KATNIP: variants seen among roughly 807,000 people sequenced by gnomAD.
KATNIP encodes katanin interacting protein.
KATNIP carries 126 observed loss-of-function variants against 174.0 expected under a neutral mutation model. The ratio of observed to expected loss-of-function variants is 0.72; its 90% confidence interval spans 0.63 to 0.84. The LOEUF is 0.84. Among genes scored for constraint, KATNIP ranks in the 40% least tolerant of loss-of-function variants. The probability of loss-of-function intolerance (pLI) is 0.00; values close to 1 mark genes in which losing one functional copy is unlikely to be tolerated. For missense variants in KATNIP, 1,958 were observed against 2,109.7 expected (o/e 0.93, Z 1.41); for synonymous variants, 810 against 835.7 (o/e 0.97, Z 0.53).
chr16:27,668,615 T>A, intron 6 of KATNIP, among the ~76,000 whole-genome samples: 1 of 152,212 alleles, frequency 6.6e-6, no homozygotes, highest in South Asian at 2.1e-4. Flanking sequence ...ATACCCTGGG[T>A]CTGCCATTAC....
intron 6 of KATNIP, among the ~76,000 whole-genome samples, chr16:27,667,925 CA>C (rs2077742846): frequency 6.6e-6 from 1 of 152,134 alleles, no homozygotes; most frequent in African/African-American, 2.4e-5. Flanking sequence ...CACCTGGGGA[CA>C]CAGGGTAAAC....
intron 6 of KATNIP, among the ~76,000 whole-genome samples, chr16:27,649,541 A>C (rs1016755235): frequency 2.0e-5 from 3 of 152,114 alleles, no homozygotes; most frequent in Admixed American, 1.3e-4. Context: ...CCCAGGCTGG[A>C]GTGCATTGGT....
At position 27,751,944 on chromosome 16, in the gene KATNIP, G is replaced by A. The variant is rs374809794; in HGVS notation, c.3552+20G>A. 17 of 1,577,994 alleles carry A rather than the reference G, an allele frequency of 1.1e-5. No individual in the cohort carries two copies. The African/African-American group carries it at 2.2e-4, about 20-fold the overall frequency. The stretch of plus-strand genomic sequence containing the variant: ...GAACGGGTAGGACTGGAGCTGGGGG[G>A]CTGTGGGGGGACCCCCAGATAGGTT... On this transcript the variant is annotated intron_variant, in intron 17 of 27. Transcript: ENST00000261588.
intron 5 of KATNIP, among the ~76,000 whole-genome samples, chr16:27,635,336 A>G (rs997097042): frequency 6.6e-6 from 1 of 152,084 alleles, no homozygotes; most frequent in Non-Finnish European, 1.5e-5. Flanking sequence ...GAAATGCAGT[A>G]TTTGGCTTTC....
At chr16:27,555,625 A>C (rs1411190417) in intron 1 of KATNIP, among the ~76,000 whole-genome samples, 1 of 151,018 alleles carries the variant, frequency 6.6e-6, no homozygotes, top group African/African-American at 2.4e-5. Flanking sequence ...ACCTGAGATC[A>C]GAAGTTCGAG....
intron 12 of KATNIP, 93 bp downstream of exon 12, chr16:27,704,091 A>G: frequency 1.0e-6 from 1 of 965,566 alleles, no homozygotes; most frequent in Non-Finnish European, 1.6e-6. Flanking sequence ...GACAGTGGTT[A>G]AATGAGCATC....
At chr16:27,632,544 T>G (rs2076521633) in intron 5 of KATNIP, 1 of 439,422 alleles carries the variant, frequency 2.3e-6, no homozygotes, top group South Asian at 1.6e-5. Context: ...AAAAGGCGAA[T>G]CGGGAGACAC....
chr16:27,669,610 C>T (rs2077819111), intron 6 of KATNIP, among the ~76,000 whole-genome samples: 1 of 152,194 alleles, frequency 6.6e-6, no homozygotes, highest in Admixed American at 6.5e-5. Context: ...CCAAGGTCCT[C>T]ATCTTTCCAG....
rs543291785 is a variant in KATNIP at position 27,766,231 on chromosome 16, G to A, written c.3810-78G>A. 210 of 1,517,982 alleles carry A rather than the reference G, an allele frequency of 1.4e-4. 1 individual carries two copies. The highest frequency in any genetic ancestry group is 9.4e-4 in the Middle Eastern group (4 of 4,258). 94.0% of individuals were successfully genotyped at this position (1,517,982 alleles called of 1,614,324 possible). A position where few individuals can be genotyped will look rare whatever the true frequency, so the allele number is the denominator to read the frequency against. The stretch of plus-strand genomic sequence containing the variant: ...AGGCAGTGGGGACGTACTTGGGGCC[G>A]AGGGGGTGGGGGCCCCACTGTGATG... On this transcript the variant is annotated intron_variant, in intron 19 of 27. Coordinates refer to ENST00000261588, the MANE Select transcript of KATNIP (RefSeq NM_015202.5).
intron 8 of KATNIP, among the ~76,000 whole-genome samples, chr16:27,690,363 T>TAGATAATA (rs397837255): frequency 2.2e-5 from 2 of 90,986 alleles, no homozygotes; most frequent in Non-Finnish European, 2.3e-5. Context: ...GATAGATAGA[T>TAGATAATA]GATAGATAGA....
chr16:27,610,376 C>T (rs916762), intron 2 of KATNIP, among the ~76,000 whole-genome samples: 1 of 152,034 alleles, frequency 6.6e-6, no homozygotes, highest in African/African-American at 2.4e-5. Flanking sequence ...GAAGATGACT[C>T]CAAGGATTGG....
intron 20 of KATNIP, among the ~76,000 whole-genome samples, chr16:27,768,943 G>A (rs1234887018): frequency 1.3e-5 from 2 of 152,198 alleles, no homozygotes; most frequent in Non-Finnish European, 2.9e-5. Context: ...CTAAGGTGTC[G>A]AGGAGAACCA....
intron 19 of KATNIP, among the ~76,000 whole-genome samples, chr16:27,762,937 A>C (rs1272849993): frequency 6.6e-6 from 1 of 152,220 alleles, no homozygotes; most frequent in Non-Finnish European, 1.5e-5. Context: ...CCCAGGCCTG[A>C]TAGCATTTCC....
At chr16:27,632,165 C>T (rs1458195840) in intron 5 of KATNIP, among the ~76,000 whole-genome samples, 3 of 152,156 alleles carry the variant, frequency 2.0e-5, no homozygotes. Flanking sequence ...CATACCTTAC[C>T]GGGGACCAGC....
chr16:27,744,944 AAG>A (rs924031038), intron 15 of KATNIP, among the ~76,000 whole-genome samples: 3 of 152,140 alleles, frequency 2.0e-5, no homozygotes, highest in Non-Finnish European at 4.4e-5. Context: ...TAAATAATAA[AAG>A]AAAATAAATT....
chr16:27,766,478 A>T lies in KATNIP; in HGVS notation c.3975+4A>T. 6.2e-7 allele frequency: 1 copy of T among 1,609,970 alleles called. No homozygotes were observed. Among genetic ancestry groups the T allele is most frequent in the Non-Finnish European group, 8.5e-7 (1 of 1,179,446 alleles). On this transcript the variant is annotated splice_donor_region_variant and intron_variant, in intron 20 of 27. Transcript: ENST00000261588. ...TCCCGAGGACACCTATCGCGGGGTA[A>T]GCTGGGGAGCAGTGGCCGTGCTCAG... is the stretch of plus-strand genomic sequence containing the variant.
intron 8 of KATNIP, among the ~76,000 whole-genome samples, chr16:27,684,721 CCTAA>C (rs1249418677): frequency 3.3e-5 from 5 of 152,200 alleles, no homozygotes; most frequent in African/African-American, 1.2e-4. Context: ...AGGCCTCTCT[CCTAA>C]CTTCTGACAG....
At chr16:27,690,069 G>A (rs556392323) in intron 8 of KATNIP, among the ~76,000 whole-genome samples, 122 of 152,074 alleles carry the variant, frequency 8.0e-4, no homozygotes, top group Non-Finnish European at 1.3e-3. Context: ...TTGGGAGTCC[G>A]AGGCGAGAGG....
intron 8 of KATNIP, among the ~76,000 whole-genome samples, chr16:27,691,082 A>G (rs2142908303): frequency 6.6e-6 from 1 of 152,220 alleles, no homozygotes; most frequent in African/African-American, 2.4e-5. Context: ...CTTAAATTTC[A>G]TATTCGCCAT....
Sources: gnomAD v4.1 joint callset for allele counts (sites outside exome capture counted in the v4.1 genomes callset) on GRCh38, gnomAD v4.1.1 for gene constraint, MANE v1.5 for transcripts, NCBI Gene and HGNC (gene_info 2026-07-23, HGNC 2026-07-21) for gene names.